Variants in SFTPD observed in about 807,000 individuals in gnomAD.
SFTPD encodes the protein pulmonary surfactant-associated protein D.
A neutral mutation model predicts 34.6 loss-of-function variants in SFTPD; 18 were observed. The observed-to-expected ratio is 0.52, with a 90% CI of 0.36 to 0.77. The LOEUF (loss-of-function observed/expected upper bound fraction) is 0.77, where lower values mean the gene tolerates loss of function less well. Among genes scored for constraint, SFTPD ranks in the 30% least tolerant of loss-of-function variants. The probability of loss-of-function intolerance (pLI) is 0.00; values close to 1 mark genes in which losing one functional copy is unlikely to be tolerated. For synonymous variants in SFTPD, 155 were observed against 180.9 expected (o/e 0.86, Z 1.15); for missense variants, 433 against 468.9 (o/e 0.92, Z 0.71).
At chr10:79,979,994 G>A (rs1842881897) in intron 1 of SFTPD, among the ~76,000 whole-genome samples, 1 of 152,170 alleles carries the variant, frequency 6.6e-6, no homozygotes, top group Admixed American at 6.5e-5. Context: ...ATAGCTCCCA[G>A]ATGAAATTTC....
At chr10:79,945,890 G>A (rs1321822352) in intron 2 of SFTPD, among the ~76,000 whole-genome samples, 2 of 152,156 alleles carry the variant, frequency 1.3e-5, no homozygotes, top group Non-Finnish European at 2.9e-5. Context: ...CTTACCTGTC[G>A]AAGGAGATTA....
chr10:79,958,270 A>G (rs1842751741), intron 1 of SFTPD, among the ~76,000 whole-genome samples: 1 of 152,218 alleles, frequency 6.6e-6, no homozygotes, highest in Admixed American at 6.5e-5. Context: ...AGCTAACATC[A>G]TAATGACAGG....
chr10:79,970,748 C>G (rs1395323407), intron 1 of SFTPD: 1 of 152,064 alleles, frequency 6.6e-6, no homozygotes, highest in Non-Finnish European at 1.5e-5. Flanking sequence ...TTTATCAGTT[C>G]TAAGAGTTTT....
intron 1 of SFTPD, among the ~76,000 whole-genome samples, chr10:79,958,406 A>G (rs1842752620): frequency 1.3e-5 from 2 of 152,226 alleles, no homozygotes; most frequent in Admixed American, 1.3e-4. Flanking sequence ...CAGGAAACCC[A>G]TCTCACATGC....
At chr10:79,977,481 T>TAC (rs986979950) in intron 1 of SFTPD, among the ~76,000 whole-genome samples, 1 of 152,094 alleles carries the variant, frequency 6.6e-6, no homozygotes, top group Non-Finnish European at 1.5e-5. Context: ...AACACACACA[T>TAC]ACACACACAC....
At chr10:79,968,262 A>G (rs1842814808) in intron 1 of SFTPD, 1 of 152,060 alleles carries the variant, frequency 6.6e-6, no homozygotes, top group South Asian at 2.1e-4. Flanking sequence ...TATGATGCTG[A>G]GGTTTACGGT....
rs1288610506 is a variant in SFTPD, at chr10:79,966,941, G to A, written c.36+15634C>T. On this transcript the variant is annotated intron_variant, in intron 1 of 5. Transcript: ENST00000444384. Reference sequence around the variant, plus strand: ...GCTCCTATTCAACATAGTGTTGGACGTTCTGGCCAGGGCAATCAGGCAGGA... The same window carrying A: ...GCTCCTATTCAACATAGTGTTGGACATTCTGGCCAGGGCAATCAGGCAGGA... 2.0e-5 allele frequency among the ~76,000 whole-genome samples: 3 copies of A among 146,972 alleles called. 1 individual carries two copies. Among genetic ancestry groups the A allele is most frequent in the Admixed American group, 2.0e-4 (3 of 14,886 alleles).
At chr10:79,968,866 C>T (rs1297141704) in intron 1 of SFTPD, 1 of 151,986 alleles carries the variant, frequency 6.6e-6, no homozygotes, top group Non-Finnish European at 1.5e-5. Context: ...GATAGTCGTT[C>T]TGACTGGTGT....
intron 1 of SFTPD, among the ~76,000 whole-genome samples, chr10:79,958,791 G>T (rs1006847522): frequency 6.6e-6 from 1 of 152,140 alleles, no homozygotes; most frequent in Non-Finnish European, 1.5e-5. Context: ...GCACCAAGCA[G>T]ACCTAATAGA....
In SFTPD at chr10:79,938,023, C is replaced by T. The variant is rs777778377; in HGVS notation, c.957G>A (p.Lys319=). The change falls in exon 8 of 8, where the codon AAG becomes AAA. Residue 319 remains lysine (K), a synonymous_variant. Coordinates refer to ENST00000372292, the MANE Select transcript of SFTPD (RefSeq NM_003019.5). ...EAAFLSMTDS[K]TEGKFTYPTG... ...TGGGGTAGGTGAACTTGCCCTCTGT[C>T]TTGGAATCAGTCATGCTCAGGAAAG... 2 of 1,613,878 alleles carry T rather than the reference C, an allele frequency of 1.2e-6. No individual in the cohort carries two copies. The highest frequency in any genetic ancestry group is 2.7e-5 in the African/African-American group (2 of 74,914).
chr10:79,977,149 C>T (rs544643131), intron 1 of SFTPD, among the ~76,000 whole-genome samples: 8 of 152,300 alleles, frequency 5.3e-5, no homozygotes, highest in South Asian at 2.1e-4. Context: ...AGGTGTGAGA[C>T]GTGGCCATTT....
chr10:79,955,781 A>G (rs1238129650), intron 1 of SFTPD, among the ~76,000 whole-genome samples: 1 of 152,236 alleles, frequency 6.6e-6, no homozygotes, highest in Non-Finnish European at 1.5e-5. Flanking sequence ...TTCTTTAAAT[A>G]TTAACACAAT....
chr10:79,974,098 T>C (rs1842850926), intron 1 of SFTPD, among the ~76,000 whole-genome samples: 1 of 152,224 alleles, frequency 6.6e-6, no homozygotes, highest in Admixed American at 6.5e-5. Flanking sequence ...AAAAATTTAT[T>C]TGACAGCATT....
intron 1 of SFTPD, among the ~76,000 whole-genome samples, chr10:79,980,308 T>C (rs1842883722): frequency 6.6e-6 from 1 of 152,066 alleles, no homozygotes; most frequent in Admixed American, 6.5e-5. Flanking sequence ...AAATAAAGCA[T>C]CAAGCAGATT....
intron 1 of SFTPD, among the ~76,000 whole-genome samples, chr10:79,962,574 C>G (rs1238356584): frequency 6.6e-6 from 1 of 151,874 alleles, no homozygotes; most frequent in Admixed American, 6.6e-5. Context: ...CTCCATTCAC[C>G]TGTCTTATGT....
intron 1 of SFTPD, among the ~76,000 whole-genome samples, chr10:79,959,783 T>C (rs1281695290): frequency 6.6e-6 from 1 of 152,160 alleles, no homozygotes; most frequent in Non-Finnish European, 1.5e-5. Context: ...GAATCCTCCC[T>C]AACTCATTTT....
At chr10:79,966,017 A>AT in intron 1 of SFTPD, among the ~76,000 whole-genome samples, 1 of 25,664 alleles carries the variant, frequency 3.9e-5, no homozygotes, top group Non-Finnish European at 6.1e-5. Context: ...AGTCTTTGCT[A>AT]TTGTGAATAG....
At chr10:79,977,292 C>G (rs1192274393) in intron 1 of SFTPD, among the ~76,000 whole-genome samples, 1 of 152,216 alleles carries the variant, frequency 6.6e-6, no homozygotes, top group Non-Finnish European at 1.5e-5. Flanking sequence ...CCACAGGACT[C>G]ACTGTATTGG....
At chr10:79,944,732 C>A (rs1842648640) in intron 2 of SFTPD, among the ~76,000 whole-genome samples, 1 of 152,098 alleles carries the variant, frequency 6.6e-6, no homozygotes, top group Non-Finnish European at 1.5e-5. Flanking sequence ...GCTGAAGGTG[C>A]TGAGGAATAA....
Sources: allele counts gnomAD v4.1 joint callset (sites outside exome capture counted in the v4.1 genomes callset), GRCh38; gene constraint gnomAD v4.1.1; transcripts MANE v1.5; gene names NCBI Gene and HGNC (gene_info 2026-07-23, HGNC 2026-07-21).